The following KCNH1 variants were observed in gnomAD, a reference collection of about 807,000 sequenced individuals.
KCNH1 encodes potassium voltage-gated channel subfamily H member 1, also known as voltage-gated delayed rectifier potassium channel KCNH1.
KCNH1 carries 27 observed loss-of-function variants against 69.2 expected under a neutral mutation model. The ratio of observed to expected loss-of-function variants is 0.39; its 90% confidence interval spans 0.29 to 0.54. The LOEUF (loss-of-function observed/expected upper bound fraction) is 0.54. Among genes scored for constraint, KCNH1 ranks in the 20% least tolerant of loss-of-function variants. The pLI is 0.68. For synonymous variants in KCNH1, 456 were observed against 487.7 expected (o/e 0.93, Z 0.86); for missense variants, 798 against 1,261.6 (o/e 0.63, Z 5.57).
At chr1:210,718,346 G>GTATA (rs368763686) in intron 10 of KCNH1, among the ~76,000 whole-genome samples, 1 of 5,798 alleles carries the variant, frequency 1.7e-4, no homozygotes, top group Non-Finnish European at 4.7e-4. Context: ...ATGTATATAT[G>GTATA]TATATATACA....
chr1:210,946,694 T>C (rs1223069206), intron 6 of KCNH1, among the ~76,000 whole-genome samples: 1 of 152,092 alleles, frequency 6.6e-6, no homozygotes, highest in African/African-American at 2.4e-5. Flanking sequence ...CCCTGCCTGC[T>C]CCTCCTGCCT....
rs1491359165 is a variant in KCNH1 at position 210,867,362 on chromosome 1, C to CACATATAT, written c.1462+52277_1462+52278insATATATGT. ...ACACACACACACACACACACACACA[C>CACATATAT]ATATATATATATATATGTGTCCAAA... On this transcript the variant is annotated intron_variant, in intron 7 of 10. Transcript: ENST00000271751. Among the ~76,000 whole-genome samples, 252 of 67,306 alleles carry CACATATAT rather than the reference C, an allele frequency of 3.7e-3. 1 individual carries two copies. The highest frequency in any genetic ancestry group is 8.1e-3 in the Middle Eastern group (1 of 124). 44.2% of individuals were successfully genotyped at this position (67,306 alleles called of 152,430 possible). A position where few individuals can be genotyped will look rare whatever the true frequency, so the allele number is the denominator to read the frequency against.
chr1:210,776,315 A>G (rs1366221788), intron 9 of KCNH1, among the ~76,000 whole-genome samples: 1 of 151,940 alleles, frequency 6.6e-6, no homozygotes, highest in East Asian at 1.9e-4. Flanking sequence ...TATAGGCTCT[A>G]TATAAATGGC....
intron 7 of KCNH1, among the ~76,000 whole-genome samples, chr1:210,849,173 T>C (rs533922444): frequency 1.3e-5 from 2 of 152,226 alleles, no homozygotes; most frequent in East Asian, 1.9e-4. Context: ...TTGTACAGAA[T>C]CCTATAAACA....
intron 7 of KCNH1, among the ~76,000 whole-genome samples, chr1:210,825,968 G>A (rs772777600): frequency 2.8e-4 from 43 of 152,092 alleles, no homozygotes; most frequent in Middle Eastern, 6.8e-3. Context: ...AAATGTCCAC[G>A]GTGTTTGTAT....
chr1:210,731,201 C>T (rs1682739864), intron 10 of KCNH1, among the ~76,000 whole-genome samples: 1 of 152,096 alleles, frequency 6.6e-6, no homozygotes, highest in African/African-American at 2.4e-5. Context: ...CCCTAACTTC[C>T]TAGGAAATGT....
intron 7 of KCNH1, among the ~76,000 whole-genome samples, chr1:210,868,504 T>C (rs148737663): frequency 5.3e-4 from 81 of 152,142 alleles, no homozygotes; most frequent in African/African-American, 1.9e-3. Flanking sequence ...CTTCTAGTTT[T>C]ACAGTTTTAA....
intron 6 of KCNH1, among the ~76,000 whole-genome samples, chr1:210,934,090 A>G (rs1051557048): frequency 1.3e-5 from 2 of 152,226 alleles, no homozygotes; most frequent in Non-Finnish European, 2.9e-5. Context: ...TACTGTAAGA[A>G]AACATAGGGA....
chr1:210,809,796 T>C (rs1684664233), intron 7 of KCNH1, among the ~76,000 whole-genome samples: 1 of 152,154 alleles, frequency 6.6e-6, no homozygotes, highest in Admixed American at 6.6e-5. Flanking sequence ...TGGTTTCTGT[T>C]TAGTCTTAGG....
At chr1:210,917,384 G>A (rs1162288673) in intron 7 of KCNH1, among the ~76,000 whole-genome samples, 1 of 151,900 alleles carries the variant, frequency 6.6e-6, no homozygotes, top group Non-Finnish European at 1.5e-5. Flanking sequence ...ACTCTCAGAA[G>A]GTGGGAAGAG....
intron 6 of KCNH1, among the ~76,000 whole-genome samples, chr1:210,980,180 G>A (rs1254629693): frequency 6.6e-6 from 1 of 152,164 alleles, no homozygotes; most frequent in African/African-American, 2.4e-5. Context: ...CCATTGCTAA[G>A]TGAGTACAAT....
At chr1:210,856,899 A>ATAT (rs57245090) in intron 7 of KCNH1, among the ~76,000 whole-genome samples, 2 of 121,788 alleles carry the variant, frequency 1.6e-5, no homozygotes, top group South Asian at 2.9e-4. Flanking sequence ...ATATATATAT[A>ATAT]AAATACTCAT....
chr1:210,762,743 C>A (rs1237836226), intron 10 of KCNH1, among the ~76,000 whole-genome samples: 1 of 151,908 alleles, frequency 6.6e-6, no homozygotes, highest in Non-Finnish European at 1.5e-5. Context: ...AACCTGCCAA[C>A]CAACAAAAGC....
At chr1:211,092,450 T>C (rs535192135) in intron 3 of KCNH1, among the ~76,000 whole-genome samples, 1 of 152,250 alleles carries the variant, frequency 6.6e-6, no homozygotes, top group Non-Finnish European at 1.5e-5. Context: ...TGATTATCTA[T>C]GTATTCCTCT....
chr1:211,096,047 CTTTA>C (rs536254644), intron 3 of KCNH1, among the ~76,000 whole-genome samples: 38 of 125,138 alleles, frequency 3.0e-4, no homozygotes, highest in Admixed American at 2.2e-3. Flanking sequence ...AAAAGTATCA[CTTTA>C]TTTATTTATT....
intron 10 of KCNH1, among the ~76,000 whole-genome samples, chr1:210,693,415 A>G (rs1397593925): frequency 6.6e-6 from 1 of 152,174 alleles, no homozygotes; most frequent in Non-Finnish European, 1.5e-5. Flanking sequence ...GTAGATAATC[A>G]GGCCGGTAGG....
intron 7 of KCNH1, among the ~76,000 whole-genome samples, chr1:210,809,815 A>T (rs1352314802): frequency 6.6e-6 from 1 of 152,160 alleles, no homozygotes; most frequent in African/African-American, 2.4e-5. Flanking sequence ...GGGAAGAAAG[A>T]CTAAGGGCGT....
intron 10 of KCNH1, among the ~76,000 whole-genome samples, chr1:210,734,383 T>C (rs1260392408): frequency 6.6e-6 from 1 of 152,134 alleles, no homozygotes; most frequent in Non-Finnish European, 1.5e-5. Context: ...TCTTAAGTCT[T>C]CTCACCAAAA....
chr1:210,975,108 T>C (rs921766679), intron 6 of KCNH1, among the ~76,000 whole-genome samples: 2 of 152,226 alleles, frequency 1.3e-5, no homozygotes, highest in Non-Finnish European at 2.9e-5. Context: ...TTTCCTTTCA[T>C]TCTGAAAGAC....
Sources: allele counts gnomAD v4.1 joint callset (sites outside exome capture counted in the v4.1 genomes callset), GRCh38; gene constraint gnomAD v4.1.1; transcripts MANE v1.5; gene names NCBI Gene and HGNC (gene_info 2026-07-23, HGNC 2026-07-21).